The following GRIN2A variants were observed in gnomAD, a reference collection of about 807,000 sequenced individuals.
The protein encoded by GRIN2A is glutamate ionotropic receptor NMDA type subunit 2A, also known as glutamate receptor ionotropic, NMDA 2A.
GRIN2A carries 22 observed loss-of-function variants against 113.4 expected under a neutral mutation model. The ratio of observed to expected loss-of-function variants is 0.19; its 90% CI spans 0.14 to 0.28. GRIN2A has a LOEUF of 0.28. Among genes scored for constraint, GRIN2A ranks in the 10% least tolerant of loss-of-function variants. GRIN2A has a pLI of 1.00. For synonymous variants in GRIN2A, 827 were observed against 738.4 expected, an observed-to-expected ratio of 1.12 and a Z score of -1.94; for missense variants, 1,502 against 1,887.0, an observed-to-expected ratio of 0.80 and a Z score of 3.78.
intron 3 of GRIN2A, among the ~76,000 whole-genome samples, chr16:9,898,126 T>C (rs1038304390): frequency 6.7e-6 from 1 of 149,806 alleles, no homozygotes; most frequent in African/African-American, 2.5e-5. Flanking sequence ...CAGTTTCATA[T>C]GGTTTAACCT....
chr16:10,033,179 G>C (rs1224258624), intron 2 of GRIN2A, among the ~76,000 whole-genome samples: 1 of 152,220 alleles, frequency 6.6e-6, no homozygotes, highest in East Asian at 1.9e-4. Flanking sequence ...CATTTGCCAA[G>C]CAAGATTGTA....
intron 2 of GRIN2A, among the ~76,000 whole-genome samples, chr16:10,160,172 A>C (rs1007113431): frequency 3.3e-5 from 5 of 152,190 alleles, no homozygotes; most frequent in African/African-American, 1.2e-4. Flanking sequence ...AAACTAATAC[A>C]ATCCTGGACC....
chr16:10,018,465 C>T (rs837700), intron 2 of GRIN2A, among the ~76,000 whole-genome samples: 2 of 152,112 alleles, frequency 1.3e-5, no homozygotes, highest in Non-Finnish European at 2.9e-5. Context: ...AAAGGGGAGT[C>T]CAGCAGCTGC....
Position 10,030,663 on chromosome 16 carries a change from T to C in GRIN2A, c.415-92112A>G, listed in dbSNP as rs184926573. Among the ~76,000 whole-genome samples, 44 of 152,292 alleles carry C rather than the reference T, an allele frequency of 2.9e-4. No individual in the cohort carries two copies. The East Asian group carries it at 5.2e-3, about 18-fold the overall frequency. ...ATTTTGTGTTTTTTACATTGATGAG[T>C]TATAAAGGGGTCTCTCTCATCTTTC... On this transcript the variant is annotated intron_variant, in intron 2 of 12. Transcript: ENST00000330684.
chr16:10,180,025 C>T lies in GRIN2A; in HGVS notation c.387G>A (p.Gly129=), dbSNP rs2050228006. Residue 129 remains glycine, a synonymous_variant, in exon 2 of 13, where the codon GGG becomes GGA. Transcript: ENST00000330684. This position sits in a 1 kb window ranked among gnomAD's most constrained non-coding sequence, Gnocchi z 7.0. ...TGTCAGCCATGATCATAGATGCGCC[C>T]CCATGAATGCCCAAGATGGGGACGA... The part of the protein sequence containing the change: ...HTFVPILGIH[G]GASMIMADKD... The T allele has an allele frequency of 3.7e-6, 6 of 1,613,788 alleles. No homozygotes were observed. The highest frequency in any genetic ancestry group is 1.3e-5 in the African/African-American group (1 of 74,922).
chr16:9,894,228 G>T (rs961809942), intron 3 of GRIN2A, among the ~76,000 whole-genome samples: 4 of 152,192 alleles, frequency 2.6e-5, no homozygotes, highest in Non-Finnish European at 5.9e-5. Flanking sequence ...ATGTGCAGTG[G>T]GATGAGTCTG....
At chr16:9,826,785 G>A (rs2042396513) in intron 9 of GRIN2A, among the ~76,000 whole-genome samples, 1 of 152,118 alleles carries the variant, frequency 6.6e-6, no homozygotes, top group South Asian at 2.1e-4. Flanking sequence ...ATCTGTTACT[G>A]GGTGTTTCCA....
intron 2 of GRIN2A, among the ~76,000 whole-genome samples, chr16:10,073,264 G>C (rs543189769): frequency 1.3e-5 from 2 of 152,060 alleles, no homozygotes; most frequent in African/African-American, 2.4e-5. Context: ...TCAAGATCCC[G>C]TAATTCTTGA....
chr16:9,862,237 CA>C (rs745568172), intron 4 of GRIN2A, among the ~76,000 whole-genome samples: 1 of 152,228 alleles, frequency 6.6e-6, no homozygotes, highest in African/African-American at 2.4e-5. Context: ...TGAGTTTAAT[CA>C]GCTATTAGAG....
chr16:9,801,889 G>T lies in GRIN2A; in HGVS notation c.2169-3425C>A, dbSNP rs1431095882. On this transcript the variant is annotated intron_variant, in intron 10 of 12. Coordinates refer to ENST00000330684, the MANE Select transcript of GRIN2A (RefSeq NM_001134407.3). The stretch of plus-strand genomic sequence containing the variant: ...TACAACACAGAAAGGAAACTGTAGG[G>T]CCACATGAACTGGTTTCTAGATTCT... Among the ~76,000 whole-genome samples, 10 of 152,296 alleles carry T rather than the reference G, an allele frequency of 6.6e-5. No individual in the cohort carries two copies. In the East Asian group the frequency reaches 1.7e-3, roughly 26 times the overall value.
intron 2 of GRIN2A, among the ~76,000 whole-genome samples, chr16:9,994,949 A>G (rs1368631699): frequency 1.3e-5 from 2 of 152,322 alleles, no homozygotes; most frequent in East Asian, 3.9e-4. Flanking sequence ...AGCTAAGGTG[A>G]TAGGGTATGA....
chr16:10,063,797 T>C (rs888911384), intron 2 of GRIN2A, among the ~76,000 whole-genome samples: 1 of 152,114 alleles, frequency 6.6e-6, no homozygotes, highest in Non-Finnish European at 1.5e-5. Context: ...CACTAGGTGG[T>C]GAAAATATTG....
chr16:10,109,901 T>A lies in GRIN2A; in HGVS notation c.414+70097A>T, dbSNP rs113682886. On this transcript the variant is annotated intron_variant, in intron 2 of 12. Coordinates refer to ENST00000330684, the MANE Select transcript of GRIN2A (RefSeq NM_001134407.3). ...CCCACAAAAAAAATAAAATTTTTTT[T>A]AATTTTATTATTATTATACTTTAAG... 7.5e-3 allele frequency among the ~76,000 whole-genome samples: 1,137 copies of A among 150,694 alleles called. 19 individuals carry two copies. Among genetic ancestry groups the A allele is most frequent in the African/African-American group, 0.027 (1,078 of 40,200 alleles).
chr16:9,858,548 T>A (rs931840099), intron 4 of GRIN2A, among the ~76,000 whole-genome samples: 6 of 152,116 alleles, frequency 3.9e-5, no homozygotes, highest in Admixed American at 2.6e-4. Context: ...AAAATAATAA[T>A]AATAATAATT....
intron 2 of GRIN2A, among the ~76,000 whole-genome samples, chr16:10,109,030 A>AC (rs1172631598): frequency 2.0e-5 from 3 of 150,488 alleles, no homozygotes; most frequent in African/African-American, 7.4e-5. Context: ...AAAAAAAAAA[A>AC]AAAAACAAAA....
chr16:9,843,349 A>C (rs2042716382), intron 5 of GRIN2A, among the ~76,000 whole-genome samples: 3 of 152,110 alleles, frequency 2.0e-5, no homozygotes, highest in African/African-American at 7.2e-5. Context: ...ATTTTTTAAG[A>C]GACACGCTCT....
At chr16:9,939,956 G>A (rs189235786) in intron 2 of GRIN2A, among the ~76,000 whole-genome samples, 4 of 151,778 alleles carry the variant, frequency 2.6e-5, no homozygotes, top group Admixed American at 2.6e-4. Flanking sequence ...TTTATTTTGC[G>A]TTCTGTATTT....
chr16:10,040,403 A>G (rs572386795), intron 2 of GRIN2A, among the ~76,000 whole-genome samples: 2 of 151,326 alleles, frequency 1.3e-5, no homozygotes, highest in African/African-American at 4.9e-5. Context: ...AAATACACCC[A>G]CAAACACACC....
intron 2 of GRIN2A, among the ~76,000 whole-genome samples, chr16:10,108,952 A>C (rs1426229978): frequency 2.0e-5 from 3 of 150,702 alleles, no homozygotes; most frequent in African/African-American, 7.4e-5. Flanking sequence ...GAAGACATTT[A>C]GGCTGAGAAG....
Sources: gnomAD v4.1 joint callset for allele counts (sites outside exome capture counted in the v4.1 genomes callset) on GRCh38, gnomAD v4.1.1 for gene constraint, Gnocchi (gnomAD v3.1) non-coding constraint, MANE v1.5 for transcripts, NCBI Gene and HGNC (gene_info 2026-07-23, HGNC 2026-07-21) for gene names.